Variants in DPF3 observed in about 807,000 individuals in gnomAD.
The protein encoded by DPF3 is double PHD fingers 3.
In DPF3, 18 loss-of-function variants were observed where a neutral mutation model predicts 56.8. That is an observed-to-expected ratio of 0.32 (90% CI 0.22 to 0.47). The LOEUF is 0.47. Among genes scored for constraint, DPF3 ranks in the 20% least tolerant of loss-of-function variants. The pLI is 1.00. For missense variants in DPF3, 403 were observed against 488.8 expected (o/e 0.82, Z 1.65); for synonymous variants, 188 against 180.2 (o/e 1.04, Z -0.35).
chr14:72,680,601 C>G (rs1295268955), intron 7 of DPF3, among the ~76,000 whole-genome samples: 1 of 152,234 alleles, frequency 6.6e-6, no homozygotes, highest in Non-Finnish European at 1.5e-5. Flanking sequence ...GGAGCGGATG[C>G]GGAAGGCGCT....
intron 4 of DPF3, 125 bp from the exon 5 acceptor site, chr14:72,723,853 G>T (rs1477318796): frequency 1.0e-6 from 1 of 955,714 alleles, no homozygotes; most frequent in Non-Finnish European, 1.5e-6. Flanking sequence ...CGCTGCCTTT[G>T]CTTGGGCAGT....
Position 72,808,178 on chromosome 14 carries a change from A to G in DPF3, c.33-36285T>C, listed in dbSNP as rs986013866. ...AAAGATGGACTGGAGGTCTGGAAGC[A>G]GGAAGAGAGAAATGGAGTAAGGGTC... On this transcript the variant is annotated intron_variant, in intron 1 of 10. Transcript: ENST00000556509. Among the ~76,000 whole-genome samples the G allele has an allele frequency of 3.3e-5, 5 of 152,136 alleles. No individual in the cohort carries two copies. In the South Asian group the frequency reaches 1.0e-3, roughly 32 times the overall value.
intron 6 of DPF3, among the ~76,000 whole-genome samples, chr14:72,698,406 T>C (rs375598097): frequency 1.3e-5 from 2 of 152,348 alleles, no homozygotes; most frequent in South Asian, 2.1e-4. Flanking sequence ...GGGCTGGGCA[T>C]GGTGGCTTAC....
intron 3 of DPF3, among the ~76,000 whole-genome samples, chr14:72,744,325 G>A (rs926251254): frequency 6.6e-6 from 1 of 152,040 alleles, no homozygotes; most frequent in Admixed American, 6.6e-5. Context: ...CAGGCTGGAG[G>A]GCAGTGGTGC....
At chr14:72,665,957 C>A (rs1567193903) in intron 8 of DPF3, among the ~76,000 whole-genome samples, 1 of 152,178 alleles carries the variant, frequency 6.6e-6, no homozygotes, top group Non-Finnish European at 1.5e-5. Context: ...TGGTGAGATA[C>A]TTTGAAAACC....
chr14:72,804,330 T>C (rs893301530), intron 1 of DPF3, among the ~76,000 whole-genome samples: 1 of 152,040 alleles, frequency 6.6e-6, no homozygotes, highest in Non-Finnish European at 1.5e-5. Context: ...AATAGGTACA[T>C]TATGCCAACC....
intron 1 of DPF3, among the ~76,000 whole-genome samples, chr14:72,772,702 G>A (rs923036494): frequency 6.6e-6 from 1 of 152,172 alleles, no homozygotes; most frequent in Non-Finnish European, 1.5e-5. Context: ...TTAAGGTAGT[G>A]TCCTTTTCAA....
chr14:72,729,502 G>A (rs564513649), intron 4 of DPF3, among the ~76,000 whole-genome samples: 1 of 152,098 alleles, frequency 6.6e-6, no homozygotes, highest in Admixed American at 6.5e-5. Flanking sequence ...GGCGGTAGCG[G>A]GTTCTGAGCA....
chr14:72,892,554 C>A, intron 1 of DPF3: 1 of 1,371,448 alleles, frequency 7.3e-7, no homozygotes. Flanking sequence ...ACGTCCGATT[C>A]TCCCTGTGCA....
chr14:72,892,539 CA>C, intron 1 of DPF3: 2 of 1,387,680 alleles, frequency 1.4e-6, no homozygotes, highest in Non-Finnish European at 1.9e-6. Context: ...CGAGCTGGCG[CA>C]AACACGTCCG....
intron 6 of DPF3, among the ~76,000 whole-genome samples, chr14:72,699,855 T>C (rs1363604351): frequency 6.6e-6 from 1 of 152,178 alleles, no homozygotes; most frequent in Non-Finnish European, 1.5e-5. Flanking sequence ...GAAGTTGCCT[T>C]AGCAAGAAGA....
rs1272768857 is a variant in DPF3, at chr14:72,756,869, A to AAAGGAAGG, written c.194-3506_194-3499dup. On this transcript the variant is annotated intron_variant, in intron 2 of 10. Coordinates refer to ENST00000556509, the MANE Select transcript of DPF3 (RefSeq NM_001280542.3). ...GAAAGAAAGAAAGAAAGAAAGAAAG[A>AAAGGAAGG]AAGGAAGGAAAGAAGGAAAGAAAGA... Among the ~76,000 whole-genome samples, 338 of 95,676 alleles carry AAAGGAAGG rather than the reference A, an allele frequency of 3.5e-3. 6 individuals are homozygous for AAAGGAAGG. Among genetic ancestry groups the AAAGGAAGG allele is most frequent in the Middle Eastern group, 0.011 (2 of 190 alleles). 62.8% of individuals were successfully genotyped at this position (95,676 alleles called of 152,430 possible). A position where few individuals can be genotyped will look rare whatever the true frequency, so the allele number is the denominator to read the frequency against.
intron 1 of DPF3, among the ~76,000 whole-genome samples, chr14:72,833,355 C>A (rs1377932167): frequency 6.6e-6 from 1 of 152,090 alleles, no homozygotes; most frequent in African/African-American, 2.4e-5. Flanking sequence ...CGGGAGGAGG[C>A]GAAGGCTTGG....
intron 9 of DPF3, among the ~76,000 whole-genome samples, chr14:72,625,917 G>T (rs909234229): frequency 2.0e-5 from 3 of 152,090 alleles, no homozygotes; most frequent in Admixed American, 6.5e-5. Flanking sequence ...AGCATACGTA[G>T]TTTCAGAATT....
intron 1 of DPF3, among the ~76,000 whole-genome samples, chr14:72,822,361 G>C (rs1883589322): frequency 6.6e-6 from 1 of 152,116 alleles, no homozygotes; most frequent in Admixed American, 6.5e-5. Flanking sequence ...TCCAGCCTGG[G>C]CAACAAGAGT....
At chr14:72,732,227 A>G (rs2067313579) in intron 3 of DPF3, among the ~76,000 whole-genome samples, 1 of 152,220 alleles carries the variant, frequency 6.6e-6, no homozygotes, top group Admixed American at 6.5e-5. Context: ...TCCAGCCATG[A>G]CATCGGACAA....
chr14:72,793,717 C>G (rs1485655139), intron 1 of DPF3, among the ~76,000 whole-genome samples: 1 of 152,252 alleles, frequency 6.6e-6, no homozygotes, highest in Non-Finnish European at 1.5e-5. Flanking sequence ...CCGTCCCCAC[C>G]TCTCACTTGC....
intron 6 of DPF3, among the ~76,000 whole-genome samples, chr14:72,698,187 C>T (rs1887993099): frequency 6.6e-6 from 1 of 152,182 alleles, no homozygotes; most frequent in Non-Finnish European, 1.5e-5. Context: ...ATTTACAATG[C>T]TTTGACTTTT....
intron 7 of DPF3, among the ~76,000 whole-genome samples, chr14:72,689,381 A>G (rs1193429766): frequency 6.6e-6 from 1 of 152,090 alleles, no homozygotes; most frequent in East Asian, 1.9e-4. Context: ...CTAAAGGGGG[A>G]AAAAGTCAGC....
Sources: gnomAD v4.1 joint callset for allele counts (sites outside exome capture counted in the v4.1 genomes callset) on GRCh38, gnomAD v4.1.1 for gene constraint, MANE v1.5 for transcripts, NCBI Gene and HGNC (gene_info 2026-07-23, HGNC 2026-07-21) for gene names.